The following FHIT variants were observed in gnomAD, a reference collection of about 807,000 sequenced individuals.
FHIT encodes bis(5'-adenosyl)-triphosphatase.
FHIT carries 19 observed loss-of-function variants against 17.9 expected under a neutral mutation model. That is an observed-to-expected ratio of 1.06 (90% confidence interval 0.74 to 1.56). FHIT has a LOEUF of 1.56. Among genes scored for constraint, FHIT ranks in the 40% most tolerant of loss-of-function variants. FHIT has a pLI of 0.00. For synonymous variants in FHIT, 81 were observed against 69.7 expected (o/e 1.16, Z -0.81); for missense variants, 248 against 189.2 (o/e 1.31, Z -1.82).
intron 4 of FHIT, among the ~76,000 whole-genome samples, chr3:60,819,392 T>C (rs2099309622): frequency 6.6e-6 from 1 of 152,156 alleles, no homozygotes; most frequent in African/African-American, 2.4e-5. Context: ...GCATTTAATC[T>C]CAAAGCAATG....
rs1005248419 is a variant in FHIT at position 60,339,613 on chromosome 3, G to A, written c.103+197247C>T. Among the ~76,000 whole-genome samples, 8 of 152,208 alleles carry A rather than the reference G, an allele frequency of 5.3e-5. No homozygotes were observed. In the South Asian group the frequency reaches 1.7e-3, roughly 32 times the overall value. On this transcript the variant is annotated intron_variant, in intron 5 of 9. Coordinates refer to ENST00000492590, the MANE Select transcript of FHIT (RefSeq NM_002012.4). The stretch of plus-strand genomic sequence containing the variant: ...CTCTAGAATTTTATTTCCTGCCTCA[G>A]AAAGAAGAATCCCATCTGCCAGAAG...
intron 5 of FHIT, among the ~76,000 whole-genome samples, chr3:60,110,021 C>T (rs961428560): frequency 6.6e-6 from 1 of 152,228 alleles, no homozygotes; most frequent in South Asian, 2.1e-4. Flanking sequence ...ATCAGAAATA[C>T]TCCATGATTC....
chr3:60,149,503 A>G (rs1290339172), intron 5 of FHIT, among the ~76,000 whole-genome samples: 1 of 152,156 alleles, frequency 6.6e-6, no homozygotes, highest in Admixed American at 6.5e-5. Flanking sequence ...TGATCAAAAT[A>G]TATCTGCCAT....
intron 5 of FHIT, among the ~76,000 whole-genome samples, chr3:60,395,503 A>G (rs1701403309): frequency 6.6e-6 from 1 of 152,172 alleles, no homozygotes; most frequent in South Asian, 2.1e-4. Context: ...AGATGTAAGG[A>G]AAGGGAATAA....
At chr3:60,626,691 C>A (rs999249678) in intron 4 of FHIT, among the ~76,000 whole-genome samples, 1 of 151,522 alleles carries the variant, frequency 6.6e-6, no homozygotes, top group African/African-American at 2.4e-5. Flanking sequence ...CTTTTTCTTG[C>A]CTAATTTCCC....
At chr3:60,030,929 A>G (rs1700973025) in intron 5 of FHIT, among the ~76,000 whole-genome samples, 1 of 152,232 alleles carries the variant, frequency 6.6e-6, no homozygotes, top group Admixed American at 6.5e-5. Flanking sequence ...ATGTTTTATA[A>G]CCATAAACAT....
intron 8 of FHIT, among the ~76,000 whole-genome samples, chr3:59,800,002 G>C (rs1363662291): frequency 2.0e-5 from 3 of 152,150 alleles, no homozygotes; most frequent in East Asian, 3.9e-4. Context: ...TATTCGACAA[G>C]AGCAGCAGAG....
intron 5 of FHIT, among the ~76,000 whole-genome samples, chr3:60,304,999 T>C (rs909882132): frequency 7.2e-5 from 11 of 152,188 alleles, no homozygotes; most frequent in Admixed American, 6.6e-4. Context: ...AGACATTGAA[T>C]GTAGATTCTG....
At chr3:60,191,082 G>A (rs1262966617) in intron 5 of FHIT, among the ~76,000 whole-genome samples, 1 of 151,976 alleles carries the variant, frequency 6.6e-6, no homozygotes, top group Non-Finnish European at 1.5e-5. Context: ...TAATTTAAGT[G>A]AGGCAGTATC....
rs797026242 is a variant in FHIT at position 60,749,080 on chromosome 3, T to C, written c.-18+72839A>G. Among the ~76,000 whole-genome samples, 7 of 152,308 alleles carry C rather than the reference T, an allele frequency of 4.6e-5. 1 individual carries two copies. Among genetic ancestry groups the C allele is most frequent in the African/African-American group, 1.7e-4 (7 of 41,582 alleles). On this transcript the variant is annotated intron_variant, in intron 4 of 9. Transcript: ENST00000492590. ...TCTTTGGAAAGAATAAGCAGGTTTC[T>C]ACAGGAAAAACAATGAGAGATAAGA...
chr3:60,656,468 C>T (rs900907575), intron 4 of FHIT, among the ~76,000 whole-genome samples: 3 of 152,090 alleles, frequency 2.0e-5, no homozygotes, highest in African/African-American at 4.8e-5. Context: ...TGAGGACGCC[C>T]GCACCCAAAT....
In FHIT at chr3:59,809,391, G is replaced by C. The variant is rs886428150; in HGVS notation, c.349-57070C>G. On this transcript the variant is annotated intron_variant, in intron 8 of 9. Coordinates refer to ENST00000492590, the MANE Select transcript of FHIT (RefSeq NM_002012.4). ...AGGATTCTTCCCCAGAACTTTCAGA[G>C]AGAGCATGATTCTGCTGACACTTTA... is the stretch of plus-strand genomic sequence containing the variant. 1.3e-5 allele frequency among the ~76,000 whole-genome samples: 2 copies of C among 152,208 alleles called. 1 individual carries two copies. Among genetic ancestry groups the C allele is most frequent in the Middle Eastern group, 6.3e-3 (2 of 316 alleles).
At chr3:60,767,836 G>C (rs781962590) in intron 4 of FHIT, among the ~76,000 whole-genome samples, 2 of 152,192 alleles carry the variant, frequency 1.3e-5, no homozygotes, top group African/African-American at 2.4e-5. Context: ...GGCCTGAGCT[G>C]CCCAACCTGA....
At chr3:61,126,015 T>G (rs1488155224) in intron 2 of FHIT, among the ~76,000 whole-genome samples, 1 of 152,186 alleles carries the variant, frequency 6.6e-6, no homozygotes, top group Non-Finnish European at 1.5e-5. Context: ...CAAGATCCAG[T>G]GCTTAGCTAA....
At chr3:60,185,076 A>C (rs1035513901) in intron 5 of FHIT, among the ~76,000 whole-genome samples, 4 of 152,170 alleles carry the variant, frequency 2.6e-5, no homozygotes, top group Non-Finnish European at 5.9e-5. Context: ...CCATTTCTCC[A>C]AAGAACCTTG....
At chr3:61,166,291 C>T (rs1358394238) in intron 2 of FHIT, among the ~76,000 whole-genome samples, 2 of 152,192 alleles carry the variant, frequency 1.3e-5, no homozygotes, top group African/African-American at 4.8e-5. Context: ...ATTGCCAGTC[C>T]TCACAGTCAT....
In FHIT at chr3:60,511,449, G is replaced by A. The variant is rs1011102064; in HGVS notation, c.103+25411C>T. ...TATCTCTAAAGACACTTTCAACTCA[G>A]ACCATTTATCTTTAATCAAAAATTT... On this transcript the variant is annotated intron_variant, in intron 5 of 9. Transcript: ENST00000492590. Among the ~76,000 whole-genome samples, 3 of 151,998 alleles carry A rather than the reference G, an allele frequency of 2.0e-5. No homozygotes were observed. In the South Asian group the frequency reaches 6.2e-4, roughly 32 times the overall value.
intron 2 of FHIT, among the ~76,000 whole-genome samples, chr3:61,099,337 G>T (rs2035744783): frequency 6.6e-6 from 1 of 152,096 alleles, no homozygotes; most frequent in Non-Finnish European, 1.5e-5. Context: ...TTAGGTCAAA[G>T]ATTTTTGCAT....
chr3:60,444,168 G>A (rs1327156782), intron 5 of FHIT, among the ~76,000 whole-genome samples: 1 of 152,122 alleles, frequency 6.6e-6, no homozygotes, highest in Non-Finnish European at 1.5e-5. Flanking sequence ...CAGTTAGAAT[G>A]GTGATCATTA....
Sources: allele counts gnomAD v4.1 joint callset (sites outside exome capture counted in the v4.1 genomes callset), GRCh38; gene constraint gnomAD v4.1.1; transcripts MANE v1.5; gene names NCBI Gene and HGNC (gene_info 2026-07-23, HGNC 2026-07-21).